Variants in KIF26B observed in about 807,000 individuals in gnomAD.
KIF26B encodes kinesin-like protein KIF26B.
A neutral mutation model predicts 151.2 loss-of-function variants in KIF26B; 63 were observed. The ratio of observed to expected loss-of-function variants is 0.42; its 90% CI spans 0.34 to 0.51. KIF26B has a LOEUF of 0.51. Ranked by LOEUF, KIF26B falls within the 20% of genes least tolerant of loss-of-function variation. The pLI is 0.07. For synonymous variants in KIF26B, 1,357 were observed against 1,262.1 expected (o/e 1.08, Z -1.59); for missense variants, 2,813 against 2,913.6 (o/e 0.97, Z 0.79).
At chr1:245,465,885 C>G (rs1659778051) in intron 4 of KIF26B, among the ~76,000 whole-genome samples, 1 of 152,210 alleles carries the variant, frequency 6.6e-6, no homozygotes, top group Non-Finnish European at 1.5e-5. Context: ...CTCCCATCTC[C>G]TTCTGCGCTC....
chr1:245,541,002 C>T, intron 5 of KIF26B, 52 bp downstream of exon 5: 1 of 1,491,050 alleles, frequency 6.7e-7, no homozygotes, highest in Non-Finnish European at 9.1e-7. Flanking sequence ...GGTTCTGGAT[C>T]AAGTTTCAGG....
intron 3 of KIF26B, among the ~76,000 whole-genome samples, chr1:245,371,215 G>A (rs931144974): frequency 9.9e-5 from 15 of 152,130 alleles, no homozygotes; most frequent in African/African-American, 3.4e-4. Flanking sequence ...ATGAATCTGC[G>A]TCCCCTGTGT....
At chr1:245,513,132 C>G (rs1000452429) in intron 4 of KIF26B, among the ~76,000 whole-genome samples, 15 of 151,782 alleles carry the variant, frequency 9.9e-5, no homozygotes, top group African/African-American at 3.6e-4. Flanking sequence ...GGAAGCAACC[C>G]CACCCTCCTC....
chr1:245,393,841 C>G (rs1274185740), intron 3 of KIF26B, among the ~76,000 whole-genome samples: 1 of 152,158 alleles, frequency 6.6e-6, no homozygotes, highest in East Asian at 1.9e-4. Context: ...CTAGTGTGTT[C>G]TAGCCTAGAT....
At chr1:245,301,007 T>G (rs1671420312) in intron 2 of KIF26B, among the ~76,000 whole-genome samples, 1 of 150,418 alleles carries the variant, frequency 6.6e-6, no homozygotes, top group Non-Finnish European at 1.5e-5. Flanking sequence ...TTTTTATATT[T>G]TTAGTAGAGA....
At position 245,602,513 on chromosome 1, in the gene KIF26B, G is replaced by A; in HGVS notation, c.1351-64G>A. ...TGCATGTATATCGCAGAGTATACAA[G>A]GGTGCTCCATCGTAAAACACCCAGC... On this transcript the variant is annotated intron_variant, in intron 5 of 14. Transcript: ENST00000407071. The surrounding 1 kb of genome is among the most constrained non-coding windows in gnomAD (Gnocchi z 4.5). 3.1e-6 allele frequency: 4 copies of A among 1,297,548 alleles called. No individual in the cohort carries two copies. Among genetic ancestry groups the A allele is most frequent in the Non-Finnish European group, 4.4e-6 (4 of 915,418 alleles). The allele number at this position is 1,297,548 out of a possible 1,614,324, so 80.4% of individuals were successfully genotyped here.
Position 245,186,447 on chromosome 1 carries a change from T to C in KIF26B, c.465+29764T>C, listed in dbSNP as rs148521326. Among the ~76,000 whole-genome samples, 581 of 152,332 alleles carry C rather than the reference T, an allele frequency of 3.8e-3. 1 individual carries two copies. Among genetic ancestry groups the C allele is most frequent in the South Asian group, 9.1e-3 (44 of 4,824 alleles). ...AACCAGCTAAACAGCCTTAATAAGT[T>C]ACTCCCTGGGATACAATAAGCTCCC... On this transcript the variant is annotated intron_variant, in intron 2 of 14. Coordinates refer to ENST00000407071, the MANE Select transcript of KIF26B (RefSeq NM_018012.4).
chr1:245,168,849 G>A (rs564928474), intron 2 of KIF26B, among the ~76,000 whole-genome samples: 15 of 152,248 alleles, frequency 9.9e-5, no homozygotes, highest in African/African-American at 1.7e-4. Context: ...GTAGCTGCCC[G>A]CTGAGTCAAC....
intron 2 of KIF26B, among the ~76,000 whole-genome samples, chr1:245,334,407 C>T (rs1672181418): frequency 6.6e-6 from 1 of 152,204 alleles, no homozygotes; most frequent in African/African-American, 2.4e-5. Context: ...CATTTCTTTG[C>T]CTTCAAAGCA....
intron 9 of KIF26B, among the ~76,000 whole-genome samples, chr1:245,642,531 A>G (rs1304983336): frequency 7.3e-6 from 1 of 137,114 alleles, no homozygotes; most frequent in African/African-American, 2.7e-5. Context: ...ACTGCACTCC[A>G]GCCTGGGGGA....
chr1:245,445,237 A>G (rs1659220146), intron 4 of KIF26B, among the ~76,000 whole-genome samples: 1 of 152,242 alleles, frequency 6.6e-6, no homozygotes, highest in African/African-American at 2.4e-5. Context: ...ATTATAGCGC[A>G]GCCAGGCTGG....
At chr1:245,509,960 T>C (rs1327398355) in intron 4 of KIF26B, among the ~76,000 whole-genome samples, 1 of 152,228 alleles carries the variant, frequency 6.6e-6, no homozygotes, top group African/African-American at 2.4e-5. Flanking sequence ...CTCTGCTCCA[T>C]GCCACGCCCT....
intron 10 of KIF26B, among the ~76,000 whole-genome samples, chr1:245,675,185 C>T (rs548435138): frequency 1.8e-4 from 28 of 152,298 alleles, no homozygotes; most frequent in East Asian, 7.7e-4. Flanking sequence ...TCCCGGCATC[C>T]GTGTGTGATG....
At chr1:245,471,577 CA>C (rs1659915109) in intron 4 of KIF26B, among the ~76,000 whole-genome samples, 1 of 152,104 alleles carries the variant, frequency 6.6e-6, no homozygotes, top group Non-Finnish European at 1.5e-5. Context: ...TTTTACTGCA[CA>C]ATAATATGTT....
At chr1:245,342,865 C>A (rs916660106) in intron 2 of KIF26B, among the ~76,000 whole-genome samples, 1 of 152,060 alleles carries the variant, frequency 6.6e-6, no homozygotes, top group Non-Finnish European at 1.5e-5. Context: ...GGTGGCAGAT[C>A]GCCTGAGGTC....
intron 3 of KIF26B, among the ~76,000 whole-genome samples, chr1:245,387,245 A>G (rs189587720): frequency 6.6e-6 from 1 of 150,980 alleles, no homozygotes; most frequent in East Asian, 1.9e-4. Flanking sequence ...GCTCGCTGCA[A>G]CCTCTGCCTC....
At chr1:245,363,259 T>C (rs1168194896) in intron 2 of KIF26B, among the ~76,000 whole-genome samples, 1 of 152,224 alleles carries the variant, frequency 6.6e-6, no homozygotes, top group African/African-American at 2.4e-5. Flanking sequence ...TGCAGTGGTG[T>C]GATCTCAGCT....
At chr1:245,487,593 C>A (rs1438208799) in intron 4 of KIF26B, among the ~76,000 whole-genome samples, 1 of 152,028 alleles carries the variant, frequency 6.6e-6, no homozygotes, top group African/African-American at 2.4e-5. Context: ...GAACTCTCTT[C>A]TAACCCTATT....
chr1:245,459,897 C>CTT (rs34119454), intron 4 of KIF26B, among the ~76,000 whole-genome samples: 1 of 147,108 alleles, frequency 6.8e-6, no homozygotes, highest in African/African-American at 2.5e-5. Flanking sequence ...CCTCATAAAC[C>CTT]TTTTTTTTTT....
Sources: gnomAD v4.1 joint callset for allele counts (sites outside exome capture counted in the v4.1 genomes callset) on GRCh38, gnomAD v4.1.1 for gene constraint, Gnocchi (gnomAD v3.1) non-coding constraint, MANE v1.5 for transcripts, NCBI Gene and HGNC (gene_info 2026-07-23, HGNC 2026-07-21) for gene names.